Variants in MYH7 observed in about 807,000 individuals in gnomAD.
The protein encoded by MYH7 is myosin-7.
In MYH7, 129 loss-of-function variants were observed where a neutral mutation model predicts 225.4. The observed-to-expected ratio is 0.57, with a 90% confidence interval of 0.50 to 0.66. The LOEUF (loss-of-function observed/expected upper bound fraction) is 0.66. MYH7 is among the 30% of genes least tolerant of loss of function. MYH7 has a pLI of 0.00. For missense variants in MYH7, 1,649 were observed against 2,517.0 expected (o/e 0.66, Z 7.38); for synonymous variants, 971 against 1,007.6 (o/e 0.96, Z 0.69).
At position 23,415,756 on chromosome 14, in the gene MYH7, C is replaced by T. The variant is rs730880914; in HGVS notation, c.5030G>A (p.Arg1677His). 27 of 1,614,080 alleles carry T rather than the reference C, an allele frequency of 1.7e-5. No homozygotes were observed. Among genetic ancestry groups the T allele is most frequent in the East Asian group, 2.2e-5 (1 of 44,878 alleles). ...LKENIAIVER[R>H]NNLLQAELEE... ...CAGCTCAGCCTGCAGCAGGTTGTTG[C>T]GCCGCTCCACGATGGCGATGTTCTC... The change falls in exon 35 of 40, where the codon CGC (arginine) becomes CAC (histidine). Residue 1677 changes from arginine (R) to histidine (H), a missense_variant. Arg to His is a conservative substitution (Grantham distance 29). Around this residue, in one of 12 missense-constraint regions of MYH7, gnomAD observed 687 missense variants for 913.8 expected, o/e 0.75. Transcript: ENST00000355349. This position sits in a 1 kb window ranked among gnomAD's most constrained non-coding sequence, Gnocchi z 6.3.
At chr14:23,421,967 C>A (rs555697306) in intron 25 of MYH7, among the ~76,000 whole-genome samples, 43 of 152,316 alleles carry the variant, frequency 2.8e-4, no homozygotes, top group African/African-American at 9.4e-4. Context: ...TCATGGGATA[C>A]AATGGACTTT....
intron 11 of MYH7, 126 bp downstream of exon 11, chr14:23,430,434 C>A: frequency 1.3e-6 from 1 of 763,950 alleles, no homozygotes; most frequent in South Asian, 1.5e-5. Context: ...AGGGCACATT[C>A]TGGCTCTCAG....
intron 24 of MYH7, 144 bp downstream of exon 24, chr14:23,423,403 C>G: frequency 8.5e-7 from 1 of 1,176,690 alleles, no homozygotes; most frequent in East Asian, 2.4e-5. Context: ...AGTTAACATC[C>G]TCTAACCCTA....
In MYH7 at chr14:23,433,350, G is replaced by T; in HGVS notation, c.202-123C>A. 6.7e-7 allele frequency: 1 copy of T among 1,499,020 alleles called. No individual in the cohort carries two copies. The highest frequency in any genetic ancestry group is 1.8e-5 in the Admixed American group (1 of 54,578). The allele number at this position is 1,499,020 out of a possible 1,614,324, so 92.9% of individuals were successfully genotyped here. ...AGAGAGAAGGAACCAGGATCTCACAGGGAAGACAGAAGGGATATTGGGAAG... is the reference window on the plus strand; with the variant it reads ...AGAGAGAAGGAACCAGGATCTCACATGGAAGACAGAAGGGATATTGGGAAG... On this transcript the variant is annotated intron_variant, in intron 3 of 39. Transcript: ENST00000355349. This position sits in a 1 kb window ranked among gnomAD's most constrained non-coding sequence, Gnocchi z 4.1.
At position 23,424,147 on chromosome 14, in the gene MYH7, T is replaced by G. The variant is rs1452212789; in HGVS notation, c.2682A>C (p.Glu894Asp). The change falls in exon 23 of 40, where the codon GAA (glutamate) becomes GAC (aspartate). Residue 894 changes from glutamate (E) to aspartate (D), a missense_variant and splice_region_variant. Transcript: ENST00000355349. ...KNDLQLQVQA[E>D]QDNLADAEER... ...CCTCAGCATCTGCCAGGTTGTCTTG[T>G]TCCTGAAGGTGAGGAACAGAGGGGA... 2.0e-5 allele frequency: 32 copies of G among 1,614,184 alleles called. No individual in the cohort carries two copies. The highest frequency in any genetic ancestry group is 2.6e-5 in the Non-Finnish European group (31 of 1,180,044).
At chr14:23,431,557 C>T in intron 8 of MYH7, 28 bp downstream of exon 8, 1 of 1,614,180 alleles carries the variant, frequency 6.2e-7, no homozygotes, top group Non-Finnish European at 8.5e-7. Context: ...CAGTCCAAGT[C>T]CCAAGGCCAA....
intron 18 of MYH7, 76 bp downstream of exon 18, chr14:23,426,701 G>A: frequency 7.5e-7 from 1 of 1,338,144 alleles, no homozygotes; most frequent in Non-Finnish European, 1.1e-6. Context: ...GTGGTAGGTA[G>A]GGAGATGTCC....
chr14:23,425,159 T>G lies in MYH7; in HGVS notation c.2423+123A>C. 4 of 1,596,008 alleles carry G rather than the reference T, an allele frequency of 2.5e-6. No individual in the cohort carries two copies. The South Asian group carries it at 4.4e-5, about 18-fold the overall frequency. ...CCTCTGACCCTGTGACTGCAGTGTG[T>G]TCATATGAGCCCCTCCTGCAGGTCT... On this transcript the variant is annotated intron_variant, in intron 21 of 39. Coordinates refer to ENST00000355349, the MANE Select transcript of MYH7 (RefSeq NM_000257.4). The surrounding 1 kb of genome is among the most constrained non-coding windows in gnomAD (Gnocchi z 4.6).
At position 23,432,791 on chromosome 14, in the gene MYH7, T is replaced by A. The variant is rs201012865; in HGVS notation, c.350A>T (p.Tyr117Phe). 2.1e-5 allele frequency: 34 copies of A among 1,613,528 alleles called. No homozygotes were observed. The highest frequency in any genetic ancestry group is 2.5e-6 in the Non-Finnish European group (3 of 1,179,946). ...DRYGSWMIYT[Y>F]SGLFCVTVNP... ...GACGGTGACACAGAAGAGGCCCGAG[T>A]AGGTCTGGGGATAGAAAAGGAGCAG... The change falls in exon 5 of 40, where the codon TAC becomes TTC. Residue 117 changes from tyrosine to phenylalanine, a missense_variant. Physicochemically the swap from Tyr to Phe is conservative, Grantham distance 22 (BLOSUM62 3). Coordinates refer to ENST00000355349, the MANE Select transcript of MYH7 (RefSeq NM_000257.4).
rs730880813 is a variant in MYH7 at position 23,415,409 on chromosome 14, T to C, written c.5255A>G (p.Glu1752Gly). 1.9e-6 allele frequency: 3 copies of C among 1,614,234 alleles called. No individual in the cohort carries two copies. Among genetic ancestry groups the C allele is most frequent in the Non-Finnish European group, 2.5e-6 (3 of 1,180,046 alleles). Residue 1752 changes from glutamate to glycine, a missense_variant, in exon 36 of 40, where the codon GAG becomes GGG. Transcript: ENST00000355349. The surrounding 1 kb of genome is among the most constrained non-coding windows in gnomAD (Gnocchi z 6.3). ...CGTGATGGCCTTCTTGGCCTTCTCC[T>C]CAGCATTCCTGCACTCCTGCACTGC... ...EEAVQECRNA[E>G]EKAKKAITDA... is the part of the protein sequence containing the mutation.
intron 1 of MYH7, among the ~76,000 whole-genome samples, chr14:23,435,364 CCACA>C (rs3138591): frequency 0.12 from 18,314 of 147,394 alleles, 1,250 homozygotes; most frequent in African/African-American, 0.19. Context: ...GCAGGCTTGT[CCACA>C]CACACACACA....
In MYH7 at chr14:23,424,999, TCCACTGGATTACC is replaced by T. The variant is rs781514306; in HGVS notation, c.2436_2448del (p.Val813ThrfsTer14). 6.2e-7 allele frequency: 1 copy of T among 1,614,208 alleles called. No homozygotes were observed. On this transcript the variant is annotated frameshift_variant, in exon 22 of 40. Coordinates refer to ENST00000355349, the MANE Select transcript of MYH7 (RefSeq NM_000257.4). LOFTEE classifies it high-confidence loss of function. ...TTGACCCCCATGAAGGCCCGAATGT[TCCACTGGATTACC>T]AGCAGGGAGTCTCTGCAGGGGCCCA... is the stretch of plus-strand genomic sequence containing the variant.
rs1457719880 is a variant in MYH7, at chr14:23,420,943, G to T, written c.3336+15C>A. 4.4e-6 allele frequency: 7 copies of T among 1,608,604 alleles called. No individual in the cohort carries two copies. The South Asian group carries it at 7.7e-5, about 18-fold the overall frequency. On this transcript the variant is annotated intron_variant, in intron 26 of 39. Transcript: ENST00000355349. The stretch of plus-strand genomic sequence containing the variant: ...CCCAGGGACTCAGCATCCCGCGTGG[G>T]TGTCCAGACCTCACCTGAAGCTCCT...
In MYH7 at chr14:23,424,875, C is replaced by A. The variant is rs2856897; in HGVS notation, c.2573G>T (p.Arg858Leu). The A allele has an allele frequency of 2.5e-6, 4 of 1,614,226 alleles. No individual in the cohort carries two copies. The highest frequency in any genetic ancestry group is 2.2e-5 in the East Asian group (1 of 44,880). ...GGACTTCTCTAGCGCCTCTTTGAGGCGTGTGAACTCCTCCTTCATGGAGGC... is the reference window on the plus strand; with the variant it reads ...GGACTTCTCTAGCGCCTCTTTGAGGAGTGTGAACTCCTCCTTCATGGAGGC... ...EMASMKEEFT[R>L]LKEALEKSEA... Residue 858 changes from arginine (R) to leucine (L), a missense_variant, in exon 22 of 40, where the codon CGC (arginine) becomes CTC (leucine). Physicochemically the swap from Arg to Leu is moderately radical, Grantham distance 102 (BLOSUM62 -2). Around this residue, in one of 12 missense-constraint regions of MYH7, gnomAD observed 282 missense variants for 315.3 expected, o/e 0.89. Coordinates refer to ENST00000355349, the MANE Select transcript of MYH7 (RefSeq NM_000257.4).
At chr14:23,417,094 C>T (rs1364207355) in intron 32 of MYH7, 59 bp downstream of exon 32, 1 of 1,614,112 alleles carries the variant, frequency 6.2e-7, no homozygotes, top group Non-Finnish European at 8.5e-7. Context: ...CCTTGGGTGG[C>T]ACCATATGGG....
intron 37 of MYH7, 32 bp from the exon 38 acceptor site, chr14:23,414,134 A>G (rs768609796): frequency 1.3e-6 from 2 of 1,592,184 alleles, no homozygotes; most frequent in African/African-American, 2.7e-5. Flanking sequence ...GGGGGTGAAG[A>G]TGGCACAGTC....
chr14:23,416,995 G>A lies in MYH7; in HGVS notation c.4520-3C>T, dbSNP rs549509054. On this transcript the variant is annotated splice_region_variant and splice_polypyrimidine_tract_variant and intron_variant, in intron 32 of 39. Transcript: ENST00000355349. The stretch of plus-strand genomic sequence containing the variant: ...CTCAGTCAAGTCGGAGATCTCCTCT[G>A]TGTGGGGAACACGGTAACTCGGTTG... 45 of 1,614,230 alleles carry A rather than the reference G, an allele frequency of 2.8e-5. No homozygotes were observed. In the Middle Eastern group the frequency reaches 4.9e-4, roughly 18 times the overall value.
At position 23,425,143 on chromosome 14, in the gene MYH7, C is replaced by G. The variant is rs1892644547; in HGVS notation, c.2424-119G>C. ...CCCACCCTTCCTGAGGCCTCTGACC[C>G]TGTGACTGCAGTGTGTTCATATGAG... is the stretch of plus-strand genomic sequence containing the variant. On this transcript the variant is annotated intron_variant, in intron 21 of 39. Transcript: ENST00000355349. This position sits in a 1 kb window ranked among gnomAD's most constrained non-coding sequence, Gnocchi z 4.6. The G allele has an allele frequency of 4.4e-6, 7 of 1,600,210 alleles. No individual in the cohort carries two copies. The East Asian group carries it at 1.6e-4, about 36-fold the overall frequency.
Position 23,415,326 on chromosome 14 carries a change from C to T in MYH7, c.5283+55G>A. 6.2e-7 allele frequency: 1 copy of T among 1,614,222 alleles called. No individual in the cohort carries two copies. The highest frequency in any genetic ancestry group is 1.6e-4 in the Middle Eastern group (1 of 6,062). Reference sequence around the variant, plus strand: ...TGGTCAAGTCCTCACACACTTGCTGCCCAGCCCACGGAGAGACACTGGTCT... The same window carrying T: ...TGGTCAAGTCCTCACACACTTGCTGTCCAGCCCACGGAGAGACACTGGTCT... On this transcript the variant is annotated intron_variant, in intron 36 of 39. Transcript: ENST00000355349. The surrounding 1 kb of genome is among the most constrained non-coding windows in gnomAD (Gnocchi z 6.3).
Sources: allele counts gnomAD v4.1 joint callset (sites outside exome capture counted in the v4.1 genomes callset), GRCh38; gene constraint gnomAD v4.1.1; regional missense constraint gnomAD v4.1.1; non-coding constraint Gnocchi (gnomAD v3.1); transcripts MANE v1.5; gene names NCBI Gene and HGNC (gene_info 2026-07-23, HGNC 2026-07-21).